Variants in CHODL observed in about 807,000 individuals in gnomAD.
CHODL encodes transmembrane protein MT75.
In CHODL, 29 loss-of-function variants were observed where a neutral mutation model predicts 34.5. That is an observed-to-expected ratio of 0.84 (90% confidence interval 0.63 to 1.15). CHODL has a LOEUF of 1.15. Among genes scored for constraint, CHODL ranks in the 50% most tolerant of loss-of-function variants. The probability of loss-of-function intolerance (pLI) is 0.00; values close to 1 mark genes in which losing one functional copy is unlikely to be tolerated. For synonymous variants in CHODL, 125 were observed against 116.1 expected (o/e 1.08, Z -0.49); for missense variants, 332 against 332.5 (o/e 1.00, Z 0.01).
chr21:17,936,407 G>A (rs766264655), intron 1 of CHODL, among the ~76,000 whole-genome samples: 62 of 151,932 alleles, frequency 4.1e-4, no homozygotes, highest in Admixed American at 5.9e-4. Context: ...TTTTTAATAG[G>A]TGGGAGAGAG....
At chr21:18,252,325 G>C (rs888927540) in intron 1 of CHODL, among the ~76,000 whole-genome samples, 4 of 152,172 alleles carry the variant, frequency 2.6e-5, no homozygotes, top group Non-Finnish European at 4.4e-5. Flanking sequence ...ATAAGAGACA[G>C]AGAAATTCTC....
chr21:18,139,223 A>G (rs1009831576), intron 2 of CHODL, among the ~76,000 whole-genome samples: 1 of 151,760 alleles, frequency 6.6e-6, no homozygotes, highest in Non-Finnish European at 1.5e-5. Flanking sequence ...AAATTTTTAC[A>G]TTGTCTGGAA....
Position 18,077,185 on chromosome 21 carries a change from C to T in CHODL, c.-45+49214C>T, listed in dbSNP as rs552771088. Among the ~76,000 whole-genome samples, 3 of 152,286 alleles carry T rather than the reference C, an allele frequency of 2.0e-5. No homozygotes were observed. The South Asian group carries it at 6.2e-4, about 32-fold the overall frequency. On this transcript the variant is annotated intron_variant, in intron 2 of 6. Transcript: ENST00000400127. ...ACTTGGGATCTGTCACTCATTTCTT[C>T]TTTCCTATTTTCCCTTTTGGAATGG...
chr21:18,105,786 T>C (rs973946708), intron 2 of CHODL, among the ~76,000 whole-genome samples: 2 of 152,218 alleles, frequency 1.3e-5, no homozygotes, highest in Non-Finnish European at 2.9e-5. Context: ...ATTAATAATA[T>C]GTAACCTGCT....
chr21:17,974,691 G>A (rs1019945386), intron 1 of CHODL, among the ~76,000 whole-genome samples: 1 of 151,950 alleles, frequency 6.6e-6, no homozygotes, highest in South Asian at 2.1e-4. Context: ...TTAAAGTCTT[G>A]AAATTTGGGT....
chr21:18,184,531 A>C (rs1290794185), intron 2 of CHODL, among the ~76,000 whole-genome samples: 1 of 152,222 alleles, frequency 6.6e-6, no homozygotes, highest in African/African-American at 2.4e-5. Context: ...TGTTTGATAT[A>C]AAATTTCTAC....
At chr21:18,016,182 C>T (rs1426029908) in intron 1 of CHODL, among the ~76,000 whole-genome samples, 2 of 152,164 alleles carry the variant, frequency 1.3e-5, no homozygotes, top group East Asian at 3.9e-4. Context: ...GCCTGGAGGC[C>T]TAGGAGGGAA....
Position 18,248,515 on chromosome 21 carries a change from T to G in CHODL, c.79+3213T>G, listed in dbSNP as rs549038365. On this transcript the variant is annotated intron_variant, in intron 1 of 5. Transcript: ENST00000299295. ...ACTGCTGTTTGTCATCATTTTATGG[T>G]TTTGTTTTATAACTCTTTCCCAAAG... 1.7e-4 allele frequency among the ~76,000 whole-genome samples: 25 copies of G among 147,018 alleles called. No individual in the cohort carries two copies. In the East Asian group the frequency reaches 2.0e-3, roughly 12 times the overall value.
In CHODL at chr21:18,206,814, T is replaced by C. The variant is rs535005137; in HGVS notation, c.-44-49695T>C. On this transcript the variant is annotated intron_variant, in intron 2 of 6. Transcript: ENST00000400127. ...TAATTTTTTGTCTATACATTGTATG[T>C]TTTTTGATTTGAGGTTGTCATAAGG... 7.9e-5 allele frequency among the ~76,000 whole-genome samples: 12 copies of C among 151,660 alleles called. No individual in the cohort carries two copies. In the East Asian group the frequency reaches 2.1e-3, roughly 27 times the overall value.
rs1671695876 is a variant in CHODL at position 18,142,730 on chromosome 21, A to T, written c.-44-113779A>T. Among the ~76,000 whole-genome samples the T allele has an allele frequency of 2.0e-5, 3 of 152,176 alleles. 1 individual carries two copies. Among genetic ancestry groups the T allele is most frequent in the African/African-American group, 7.2e-5 (3 of 41,452 alleles). ...TGGTGATCAAATGGTCTTTTCTTACAAAACTTGTATTCAGATCTGCCAGGA... is the reference window on the plus strand; with the variant it reads ...TGGTGATCAAATGGTCTTTTCTTACTAAACTTGTATTCAGATCTGCCAGGA... On this transcript the variant is annotated intron_variant, in intron 2 of 6. Transcript: ENST00000400127.
At chr21:18,078,430 CAT>C (rs1300916481) in intron 2 of CHODL, among the ~76,000 whole-genome samples, 3 of 152,116 alleles carry the variant, frequency 2.0e-5, no homozygotes, top group Non-Finnish European at 4.4e-5. Flanking sequence ...CCTCCCACGA[CAT>C]GTGGGGATTA....
intron 2 of CHODL, among the ~76,000 whole-genome samples, chr21:18,074,367 A>C (rs1246219641): frequency 6.6e-6 from 1 of 152,184 alleles, no homozygotes; most frequent in Non-Finnish European, 1.5e-5. Context: ...CACTCTAAGA[A>C]TTTCTAAATT....
At chr21:18,233,354 C>T (rs1482907558) in intron 2 of CHODL, among the ~76,000 whole-genome samples, 3 of 152,062 alleles carry the variant, frequency 2.0e-5, no homozygotes, top group African/African-American at 7.2e-5. Context: ...GCTGTCCACC[C>T]TTTTGCTGTG....
At chr21:18,006,356 G>T (rs925009470) in intron 1 of CHODL, among the ~76,000 whole-genome samples, 1 of 124,138 alleles carries the variant, frequency 8.1e-6, no homozygotes, top group African/African-American at 2.9e-5. Flanking sequence ...TAAAATAAAA[G>T]AAAAAAAAAA....
rs369067261 is a variant in CHODL at position 18,079,420 on chromosome 21, A to G, written c.-45+51449A>G. On this transcript the variant is annotated intron_variant, in intron 2 of 6. Transcript: ENST00000400127. ...TATATATATATCACATATATATACC[A>G]TAGAATATTATATATCACACATATA... 8.1e-5 allele frequency among the ~76,000 whole-genome samples: 12 copies of G among 147,688 alleles called. No homozygotes were observed. In the East Asian group the frequency reaches 2.1e-3, roughly 26 times the overall value.
chr21:17,953,880 C>T (rs1031259374), intron 1 of CHODL, among the ~76,000 whole-genome samples: 1 of 151,878 alleles, frequency 6.6e-6, no homozygotes, highest in Non-Finnish European at 1.5e-5. Flanking sequence ...TGTGGTGGTG[C>T]GTGCCTGTAA....
At chr21:17,964,932 A>C (rs1030322087) in intron 1 of CHODL, among the ~76,000 whole-genome samples, 28 of 152,352 alleles carry the variant, frequency 1.8e-4, no homozygotes, top group African/African-American at 6.7e-4. Flanking sequence ...CCTTTGTTGC[A>C]TATAGACAAA....
chr21:18,074,213 GA>G (rs2064838277), intron 2 of CHODL, among the ~76,000 whole-genome samples: 1 of 152,090 alleles, frequency 6.6e-6, no homozygotes, highest in Admixed American at 6.6e-5. Flanking sequence ...CAGCCTTTAT[GA>G]AATTATCCCT....
At chr21:18,129,531 G>A (rs1240427951) in intron 2 of CHODL, among the ~76,000 whole-genome samples, 1 of 152,152 alleles carries the variant, frequency 6.6e-6, no homozygotes, top group African/African-American at 2.4e-5. Flanking sequence ...TTGAATAATA[G>A]ACAGTGAGAG....
Sources: allele counts gnomAD v4.1 joint callset (sites outside exome capture counted in the v4.1 genomes callset), GRCh38; gene constraint gnomAD v4.1.1; transcripts MANE v1.5; gene names NCBI Gene and HGNC (gene_info 2026-07-23, HGNC 2026-07-21).